XKR3: variants seen among roughly 807,000 people sequenced by gnomAD.
The protein encoded by XKR3 is XK-related protein 3.
Under a neutral mutation model 40.3 loss-of-function variants are expected in XKR3, and 27 were observed. The ratio of observed to expected loss-of-function variants is 0.67; its 90% CI spans 0.49 to 0.92. The LOEUF is 0.92. Among genes scored for constraint, XKR3 ranks in the 40% least tolerant of loss-of-function variants. XKR3 has a pLI of 0.00. For synonymous variants in XKR3, 193 were observed against 195.4 expected, an observed-to-expected ratio of 0.99 and a Z score of 0.10; for missense variants, 472 against 537.6, an observed-to-expected ratio of 0.88 and a Z score of 1.21.
At chr22:16,815,669 A>G (rs2060230290) in intron 1 of XKR3, among the ~76,000 whole-genome samples, 1 of 152,030 alleles carries the variant, frequency 6.6e-6, no homozygotes, top group Non-Finnish European at 1.5e-5. Flanking sequence ...AGCAACATTT[A>G]TATACATATA....
Position 16,799,733 on chromosome 22 carries a change from C to A in XKR3, c.589+38G>T, listed in dbSNP as rs373390623. On this transcript the variant is annotated intron_variant, in intron 3 of 3. Transcript: ENST00000684488. The stretch of plus-strand genomic sequence containing the variant: ...CTATTATATTAGTACACTTTATTGA[C>A]CTTTGTGTGTCTTTCAGCATCAAGT... The A allele has an allele frequency of 3.5e-5, 56 of 1,608,316 alleles. No homozygotes were observed. In the African/African-American group the frequency reaches 7.1e-4, roughly 20 times the overall value.
intron 3 of XKR3, among the ~76,000 whole-genome samples, chr22:16,794,045 A>AAATTT (rs2060131090): frequency 6.6e-6 from 1 of 152,236 alleles, no homozygotes; most frequent in Admixed American, 6.5e-5. Context: ...ATATGGGGTT[A>AAATTT]CGTAAAGCAA....
chr22:16,822,519 G>A (rs1426526213), intron 1 of XKR3, among the ~76,000 whole-genome samples: 4 of 152,114 alleles, frequency 2.6e-5, no homozygotes, highest in African/African-American at 7.2e-5. Flanking sequence ...AAAAGGTAAA[G>A]CCTATAAGAG....
chr22:16,795,972 A>C (rs952588067), intron 3 of XKR3, among the ~76,000 whole-genome samples: 2 of 144,128 alleles, frequency 1.4e-5, no homozygotes, highest in Admixed American at 1.4e-4. Context: ...GTCTCAAAAA[A>C]AAAGGGACCA....
intron 1 of XKR3, among the ~76,000 whole-genome samples, chr22:16,818,494 T>C (rs186608620): frequency 8.6e-4 from 131 of 152,264 alleles, no homozygotes; most frequent in African/African-American, 3.0e-3. Flanking sequence ...AATCCTGTTC[T>C]CTCGCAGCCC....
intron 2 of XKR3, among the ~76,000 whole-genome samples, chr22:16,805,161 A>T (rs1198115534): frequency 6.6e-6 from 1 of 152,222 alleles, no homozygotes; most frequent in African/African-American, 2.4e-5. Context: ...ATTCAAGATG[A>T]CATAATTTGT....
At chr22:16,817,814 A>G (rs2060239878) in intron 1 of XKR3, among the ~76,000 whole-genome samples, 1 of 152,128 alleles carries the variant, frequency 6.6e-6, no homozygotes, top group African/African-American at 2.4e-5. Flanking sequence ...TGGTTTTGCA[A>G]CTGCTCACAT....
intron 1 of XKR3, among the ~76,000 whole-genome samples, chr22:16,817,955 T>G (rs1461355661): frequency 1.3e-5 from 2 of 152,136 alleles, no homozygotes; most frequent in Non-Finnish European, 2.9e-5. Context: ...TTGATAATAT[T>G]TTCTGGAAGC....
At chr22:16,820,890 T>G (rs1421292550) in intron 1 of XKR3, among the ~76,000 whole-genome samples, 2 of 152,146 alleles carry the variant, frequency 1.3e-5, no homozygotes, top group Non-Finnish European at 2.9e-5. Context: ...TGTTTCACGA[T>G]CTCTTGTAAG....
At chr22:16,793,094 C>T (rs2060127109) in intron 3 of XKR3, among the ~76,000 whole-genome samples, 1 of 152,134 alleles carries the variant, frequency 6.6e-6, no homozygotes, top group Non-Finnish European at 1.5e-5. Flanking sequence ...CTCACCGCAA[C>T]CTCTGCCTCC....
At chr22:16,810,728 C>G (rs1426282584) in intron 1 of XKR3, among the ~76,000 whole-genome samples, 5 of 152,302 alleles carry the variant, frequency 3.3e-5, no homozygotes, top group South Asian at 4.1e-4. Context: ...CCAGCCTCCC[C>G]CTTTCCTAAG....
intron 2 of XKR3, 26 bp downstream of exon 2, chr22:16,807,713 G>A: frequency 1.3e-6 from 2 of 1,527,078 alleles, no homozygotes; most frequent in Non-Finnish European, 1.8e-6. Flanking sequence ...TGGAGGCAGT[G>A]AATGAGAAAT....
intron 3 of XKR3, among the ~76,000 whole-genome samples, chr22:16,796,582 A>G (rs2060141900): frequency 6.6e-6 from 1 of 152,226 alleles, no homozygotes. Flanking sequence ...TGATCACCAC[A>G]TAAACAGAAT....
At position 16,821,215 on chromosome 22, in the gene XKR3, T is replaced by C. The variant is rs557135225; in HGVS notation, c.-11+4076A>G. ...TAATTTTCTATGATAGCATTGACCT[T>C]AACTGAAAAAATGTATATATCAAAG... On this transcript the variant is annotated intron_variant, in intron 1 of 3. Coordinates refer to ENST00000684488, the MANE Select transcript of XKR3 (RefSeq NM_001386955.1). 2.1e-4 allele frequency among the ~76,000 whole-genome samples: 32 copies of C among 152,236 alleles called. 1 individual carries two copies. The South Asian group carries it at 6.4e-3, about 31-fold the overall frequency.
chr22:16,818,662 C>G (rs1045864577), intron 1 of XKR3, among the ~76,000 whole-genome samples: 1 of 152,102 alleles, frequency 6.6e-6, no homozygotes, highest in African/African-American at 2.4e-5. Context: ...GTCAGTGATG[C>G]TCTGATTCCC....
intron 2 of XKR3, among the ~76,000 whole-genome samples, chr22:16,800,973 G>A (rs940392092): frequency 3.3e-5 from 5 of 152,072 alleles, no homozygotes; most frequent in African/African-American, 1.2e-4. Flanking sequence ...ATAGTTGAAA[G>A]CTAATTCGAT....
At chr22:16,803,228 A>G (rs2060176580) in intron 2 of XKR3, among the ~76,000 whole-genome samples, 1 of 152,194 alleles carries the variant, frequency 6.6e-6, no homozygotes. Context: ...TAAAAATGCT[A>G]TAGCCTGTCA....
At chr22:16,788,642 G>A (rs1324846188) in intron 3 of XKR3, among the ~76,000 whole-genome samples, 2 of 151,990 alleles carry the variant, frequency 1.3e-5, no homozygotes, top group Non-Finnish European at 2.9e-5. Flanking sequence ...TCATTCTGTG[G>A]GGCCAGCAAT....
chr22:16,799,654 T>TA lies in XKR3; in HGVS notation c.589+116dup, dbSNP rs748721423. 5.9e-5 allele frequency: 72 copies of TA among 1,219,622 alleles called. No homozygotes were observed. The East Asian group carries it at 1.4e-3, about 23-fold the overall frequency. The allele number at this position is 1,219,622 out of a possible 1,614,324, so 75.6% of individuals were successfully genotyped here. ...ATAAATTCATAGAAACTCAATCTTA[T>TA]AAAAAATTTAGTGCAACTGTAATTT... On this transcript the variant is annotated intron_variant, in intron 3 of 3. Coordinates refer to ENST00000684488, the MANE Select transcript of XKR3 (RefSeq NM_001386955.1).
Sources: gnomAD v4.1 joint callset for allele counts (sites outside exome capture counted in the v4.1 genomes callset) on GRCh38, gnomAD v4.1.1 for gene constraint, MANE v1.5 for transcripts, NCBI Gene and HGNC (gene_info 2026-07-23, HGNC 2026-07-21) for gene names.